MAD1L1: variants seen among roughly 807,000 people sequenced by gnomAD.
The protein encoded by MAD1L1 is mitotic spindle assembly checkpoint protein MAD1.
Under a neutral mutation model 96.9 loss-of-function variants are expected in MAD1L1, and 95 were observed. That is an observed-to-expected ratio of 0.98 (90% CI 0.83 to 1.16). MAD1L1 has a LOEUF of 1.16. Among genes scored for constraint, MAD1L1 ranks in the 50% most tolerant of loss-of-function variants. The pLI is 0.00. For missense variants in MAD1L1, 1,007 were observed against 954.4 expected (o/e 1.06, Z -0.73); for synonymous variants, 473 against 396.6 (o/e 1.19, Z -2.29).
At chr7:2,048,730 G>C (rs1313432459) in intron 12 of MAD1L1, among the ~76,000 whole-genome samples, 5 of 152,210 alleles carry the variant, frequency 3.3e-5, no homozygotes, top group African/African-American at 1.2e-4. Context: ...GAACGGAGCT[G>C]TGATGGGAGC....
intron 18 of MAD1L1, among the ~76,000 whole-genome samples, chr7:1,836,455 G>A (rs1336195470): frequency 4.6e-5 from 7 of 152,106 alleles, no homozygotes; most frequent in Admixed American, 1.3e-4. Context: ...TTGTGACTAC[G>A]AACGCCTAAC....
intron 18 of MAD1L1, chr7:1,854,407 TG>T (rs558727796): frequency 6.5e-4 from 300 of 460,858 alleles, no homozygotes; most frequent in African/African-American, 5.5e-3. Context: ...GCAGACTAGG[TG>T]GCTCGTAAAC....
At chr7:1,999,969 G>A (rs1781719562) in intron 14 of MAD1L1, among the ~76,000 whole-genome samples, 1 of 152,164 alleles carries the variant, frequency 6.6e-6, no homozygotes, top group Non-Finnish European at 1.5e-5. Context: ...ATGCCAGGAT[G>A]CTGGAATGCC....
chr7:1,938,755 CA>C (rs2128464803), intron 16 of MAD1L1, among the ~76,000 whole-genome samples: 1 of 146,082 alleles, frequency 6.8e-6, no homozygotes, highest in Admixed American at 6.7e-5. Flanking sequence ...CGCACACACA[CA>C]CACACACACA....
chr7:1,936,105 G>T (rs1227504685), intron 17 of MAD1L1, among the ~76,000 whole-genome samples: 1 of 152,234 alleles, frequency 6.6e-6, no homozygotes, highest in African/African-American at 2.4e-5. Context: ...GCACCCTGCA[G>T]AGTCGACACA....
intron 11 of MAD1L1, among the ~76,000 whole-genome samples, chr7:2,111,169 G>A (rs142703588): frequency 7.6e-4 from 116 of 152,294 alleles, no homozygotes; most frequent in African/African-American, 2.5e-3. Context: ...CACACACACC[G>A]AGCGTCCACT....
At chr7:2,128,245 A>G (rs1302137764) in intron 11 of MAD1L1, among the ~76,000 whole-genome samples, 1 of 152,100 alleles carries the variant, frequency 6.6e-6, no homozygotes, top group Non-Finnish European at 1.5e-5. Flanking sequence ...ATTTTCTGTC[A>G]CTGAATCGCA....
intron 18 of MAD1L1, among the ~76,000 whole-genome samples, chr7:1,830,320 C>T (rs1280430475): frequency 1.3e-5 from 2 of 152,210 alleles, no homozygotes; most frequent in African/African-American, 4.8e-5. Flanking sequence ...TCGCTTTAAC[C>T]TGGGAGGCGG....
chr7:1,864,804 C>T (rs187032670), intron 18 of MAD1L1, among the ~76,000 whole-genome samples: 24 of 152,290 alleles, frequency 1.6e-4, no homozygotes, highest in Admixed American at 4.6e-4. Flanking sequence ...GCCCCCACTC[C>T]GCCCCTTTCT....
chr7:2,068,792 G>A (rs1784995879), intron 12 of MAD1L1, among the ~76,000 whole-genome samples: 1 of 152,230 alleles, frequency 6.6e-6, no homozygotes, highest in African/African-American at 2.4e-5. Context: ...GGAAGCAGGT[G>A]ACAGCCTTCA....
intron 10 of MAD1L1, among the ~76,000 whole-genome samples, chr7:2,189,654 G>A (rs1206526741): frequency 6.6e-6 from 1 of 152,234 alleles, no homozygotes; most frequent in Non-Finnish European, 1.5e-5. Context: ...GGAGCACAGG[G>A]AGCGAGCGTT....
chr7:2,227,795 G>A (rs1390335793), intron 3 of MAD1L1, among the ~76,000 whole-genome samples: 1 of 152,206 alleles, frequency 6.6e-6, no homozygotes, highest in Non-Finnish European at 1.5e-5. Context: ...AGCCTCTCGA[G>A]AAGGGTGGGC....
At chr7:1,919,712 A>G (rs1788655371) in intron 17 of MAD1L1, among the ~76,000 whole-genome samples, 1 of 152,230 alleles carries the variant, frequency 6.6e-6, no homozygotes, top group Non-Finnish European at 1.5e-5. Flanking sequence ...GCCACATGTC[A>G]GAGCTGAGAG....
At chr7:1,943,536 G>A (rs1779095788) in intron 16 of MAD1L1, among the ~76,000 whole-genome samples, 1 of 152,164 alleles carries the variant, frequency 6.6e-6, no homozygotes, top group Non-Finnish European at 1.5e-5. Flanking sequence ...GCATCATCCG[G>A]CATCCAGAGA....
intron 10 of MAD1L1, among the ~76,000 whole-genome samples, chr7:2,166,058 T>C (rs1790414184): frequency 6.6e-6 from 1 of 152,180 alleles, no homozygotes; most frequent in South Asian, 2.1e-4. Context: ...AAACCACACG[T>C]TCTCCCATGT....
At chr7:2,208,775 C>G (rs904861033) in intron 10 of MAD1L1, among the ~76,000 whole-genome samples, 4 of 152,192 alleles carry the variant, frequency 2.6e-5, no homozygotes, top group Non-Finnish European at 4.4e-5. Context: ...TCCTCCTCCC[C>G]CTCCTGTGCC....
At chr7:2,223,822 G>A (rs1366320109) in intron 4 of MAD1L1, among the ~76,000 whole-genome samples, 1 of 146,340 alleles carries the variant, frequency 6.8e-6, no homozygotes, top group Non-Finnish European at 1.5e-5. Flanking sequence ...GCAGGTCTTT[G>A]GACTTCAGAC....
chr7:1,840,109 G>A (rs1034910945), intron 18 of MAD1L1, among the ~76,000 whole-genome samples: 9 of 152,158 alleles, frequency 5.9e-5, no homozygotes, highest in African/African-American at 1.7e-4. Context: ...CCATGAGGAC[G>A]ACATCAGAGT....
intron 11 of MAD1L1, among the ~76,000 whole-genome samples, chr7:2,135,139 C>CGGT (rs1284757169): frequency 5.3e-5 from 8 of 152,196 alleles, no homozygotes; most frequent in Non-Finnish European, 1.0e-4. Context: ...GAACGGTGAG[C>CGGT]GCACCTGCCT....
Sources: allele counts gnomAD v4.1 joint callset (sites outside exome capture counted in the v4.1 genomes callset), GRCh38; gene constraint gnomAD v4.1.1; transcripts MANE v1.5; gene names NCBI Gene and HGNC (gene_info 2026-07-23, HGNC 2026-07-21).